The following KIR2DL3 variants were observed in gnomAD, a reference collection of about 807,000 sequenced individuals.
KIR2DL3 encodes killer cell immunoglobulin like receptor, two Ig domains and long cytoplasmic tail 3.
In KIR2DL3, 39 loss-of-function variants were observed where a neutral mutation model predicts 33.8. The ratio of observed to expected loss-of-function variants is 1.15; its 90% CI spans 0.89 to 1.51. The LOEUF (loss-of-function observed/expected upper bound fraction) is 1.51, where lower values mean the gene tolerates loss of function less well. Ranked by LOEUF, KIR2DL3 falls within the 40% of genes most tolerant of loss-of-function variation. The probability of loss-of-function intolerance (pLI) is 0.00; values close to 1 mark genes in which losing one functional copy is unlikely to be tolerated. For missense variants in KIR2DL3, 462 were observed against 426.2 expected, an observed-to-expected ratio of 1.08 and a Z score of -0.74; for synonymous variants, 174 against 160.2, an observed-to-expected ratio of 1.09 and a Z score of -0.65.
At chr19:54,744,936 ATATATATATATATATATATTTTTTTTTTT>A (rs2072133582) in intron 4 of KIR2DL3, among the ~76,000 whole-genome samples, 4 of 23,802 alleles carry the variant, frequency 1.7e-4, no homozygotes, top group Non-Finnish European at 3.6e-4. Flanking sequence ...ATATATATAT[ATATATATATATATATATATTTTTTTTTTT>A]TTTTTTTTTT....
At chr19:54,744,571 T>C (rs1452135567) in intron 4 of KIR2DL3, among the ~76,000 whole-genome samples, 2 of 151,696 alleles carry the variant, frequency 1.3e-5, no homozygotes, top group Non-Finnish European at 1.5e-5. Context: ...CTGTCCCCTA[T>C]GCTGGAGTGC....
At chr19:54,738,759 G>A (rs1277530734) in intron 1 of KIR2DL3, among the ~76,000 whole-genome samples, 180 bp downstream of exon 1, 1 of 139,864 alleles carries the variant, frequency 7.1e-6, no homozygotes, top group Non-Finnish European at 1.6e-5. Flanking sequence ...CCTGGAGGTT[G>A]AGATATGGGC....
rs1353918017 is a variant in KIR2DL3, at chr19:54,743,912, A to AG, written c.493dup (p.Glu165GlyfsTer4). 1 of 1,614,058 alleles carries AG rather than the reference A, an allele frequency of 6.2e-7. No individual in the cohort carries two copies. Among genetic ancestry groups the AG allele is most frequent in the Non-Finnish European group, 8.5e-7 (1 of 1,180,000 alleles). On this transcript the variant is annotated frameshift_variant, in exon 4 of 8. Coordinates refer to ENST00000342376, the MANE Select transcript of KIR2DL3 (RefSeq NM_015868.3). LOFTEE classifies it high-confidence loss of function. Reference sequence around the variant, plus strand: ...TATGACATGTACCATCTATCCAGGGAGGGGGAGGCCCATGAACGTAGGTTC... The same window carrying AG: ...TATGACATGTACCATCTATCCAGGGAGGGGGGAGGCCCATGAACGTAGGTTC...
chr19:54,749,094 G>A (rs867311934), intron 5 of KIR2DL3, among the ~76,000 whole-genome samples: 9 of 152,036 alleles, frequency 5.9e-5, no homozygotes, highest in Non-Finnish European at 5.9e-5. Flanking sequence ...GCACAAAGGT[G>A]AAAACAATCT....
intron 4 of KIR2DL3, among the ~76,000 whole-genome samples, chr19:54,744,942 ATATATATATATATT>A (rs1310113583): frequency 2.5e-4 from 6 of 24,218 alleles, no homozygotes; most frequent in East Asian, 8.4e-4. Context: ...ATATATATAT[ATATATATATATATT>A]TTTTTTTTTT....
intron 3 of KIR2DL3, among the ~76,000 whole-genome samples, chr19:54,743,339 C>G (rs1478418753): frequency 6.6e-6 from 1 of 151,368 alleles, no homozygotes; most frequent in Non-Finnish European, 1.5e-5. Context: ...ATATAAATAA[C>G]AGATGATTGA....
At position 54,744,918 on chromosome 19, in the gene KIR2DL3, A is replaced by AC. The variant is rs1568968990; in HGVS notation, c.664+830_664+831insC. On this transcript the variant is annotated intron_variant, in intron 4 of 7. Coordinates refer to ENST00000342376, the MANE Select transcript of KIR2DL3 (RefSeq NM_015868.3). ...TATATACACACACACACACATATAT[A>AC]AACATATATATATATATATATATAT... Among the ~76,000 whole-genome samples, 183 of 33,354 alleles carry AC rather than the reference A, an allele frequency of 5.5e-3. 3 individuals are homozygous for AC. The highest frequency in any genetic ancestry group is 9.7e-3 in the Non-Finnish European group (146 of 15,116). 21.9% of individuals were successfully genotyped at this position (33,354 alleles called of 152,430 possible). A position where few individuals can be genotyped will look rare whatever the true frequency, so the allele number is the denominator to read the frequency against.
At chr19:54,739,686 T>A in intron 2 of KIR2DL3, 144 bp downstream of exon 2, 3 of 1,360,618 alleles carry the variant, frequency 2.2e-6, no homozygotes, top group Non-Finnish European at 3.1e-6. Flanking sequence ...TGACCTCGCC[T>A]CCCTGGCCTC....
At chr19:54,748,305 T>G (rs1454307875) in intron 5 of KIR2DL3, among the ~76,000 whole-genome samples, 1 of 151,676 alleles carries the variant, frequency 6.6e-6, no homozygotes, top group Non-Finnish European at 1.5e-5. Context: ...AAATCCCTCA[T>G]AATCTCCTGG....
intron 2 of KIR2DL3, among the ~76,000 whole-genome samples, chr19:54,740,724 TG>T (rs1334178881): frequency 8.6e-5 from 13 of 151,984 alleles, no homozygotes; most frequent in African/African-American, 3.1e-4. Flanking sequence ...TCCCCAGTGA[TG>T]ACTACATTCT....
intron 2 of KIR2DL3, among the ~76,000 whole-genome samples, chr19:54,740,578 C>T (rs1252083052): frequency 7.5e-6 from 1 of 133,922 alleles, no homozygotes; most frequent in Non-Finnish European, 1.6e-5. Context: ...CTTGGATTCT[C>T]CTTGTCCCAC....
chr19:54,738,650 G>T, intron 1 of KIR2DL3, 71 bp downstream of exon 1: 2 of 1,610,190 alleles, frequency 1.2e-6, no homozygotes, highest in South Asian at 2.2e-5. Context: ...GGAGATATAG[G>T]CCTGGAAGTG....
At chr19:54,739,414 G>A (rs2070540602) in intron 1 of KIR2DL3, 93 bp from the exon 2 acceptor site, 8 of 1,600,818 alleles carry the variant, frequency 5.0e-6, no homozygotes, top group African/African-American at 1.3e-5. Context: ...GCCCAGGAAG[G>A]GCCTGGCTGC....
At chr19:54,743,725 T>C (rs1335297588) in intron 3 of KIR2DL3, 70 bp from the exon 4 acceptor site, 1 of 1,320,718 alleles carries the variant, frequency 7.6e-7, no homozygotes, top group African/African-American at 1.5e-5. Context: ...GGGGAGTGAG[T>C]TCTCAGCTCA....
intron 2 of KIR2DL3, among the ~76,000 whole-genome samples, chr19:54,741,298 C>A (rs1489152382): frequency 1.3e-5 from 2 of 151,232 alleles, no homozygotes; most frequent in Non-Finnish European, 2.9e-5. Flanking sequence ...CTAGACCACA[C>A]CACTTCACTC....
chr19:54,744,870 T>TTATATATATATATATATATAAATA (rs2072010575), intron 4 of KIR2DL3, among the ~76,000 whole-genome samples: 1 of 78,426 alleles, frequency 1.3e-5, no homozygotes, highest in Non-Finnish European at 2.6e-5. Flanking sequence ...ATAAATACAT[T>TTATATATATATATATATATAAATA]TATATATATA....
At chr19:54,742,920 A>C (rs1268869415) in intron 3 of KIR2DL3, among the ~76,000 whole-genome samples, 8 of 151,584 alleles carry the variant, frequency 5.3e-5, no homozygotes. Context: ...AAAGACATAA[A>C]CACACAGAGA....
rs202032116 is a variant in KIR2DL3 at position 54,742,004 on chromosome 19, T to A, written c.95T>A (p.Leu32Gln). ...HEGVHRKPSL[L>Q]AHPGPLVKSE... ...GGAGTCCACAGAAAACCTTCCCTCC[T>A]GGCCCACCCAGGTCCCCTGGTGAAA... Residue 32 changes from leucine (L) to glutamine (Q), a missense_variant, in exon 3 of 8, where the codon CTG becomes CAG. Physicochemically the swap from Leu to Gln is moderately radical, Grantham distance 113 (BLOSUM62 -2). Transcript: ENST00000342376. 1.3e-5 allele frequency: 21 copies of A among 1,611,070 alleles called. No homozygotes were observed. The highest frequency in any genetic ancestry group is 1.6e-5 in the Non-Finnish European group (19 of 1,178,586).
chr19:54,740,291 T>C (rs1436750582), intron 2 of KIR2DL3, among the ~76,000 whole-genome samples: 1 of 152,070 alleles, frequency 6.6e-6, no homozygotes, highest in Non-Finnish European at 1.5e-5. Context: ...AAGCCCTTGC[T>C]GTCTGCCTGG....
Sources: allele counts gnomAD v4.1 joint callset (sites outside exome capture counted in the v4.1 genomes callset), GRCh38; gene constraint gnomAD v4.1.1; transcripts MANE v1.5; gene names NCBI Gene and HGNC (gene_info 2026-07-23, HGNC 2026-07-21).